ENOSF1: variants seen among roughly 807,000 people sequenced by gnomAD.
ENOSF1 encodes enolase superfamily member 1.
ENOSF1 carries 73 observed loss-of-function variants against 68.2 expected under a neutral mutation model. The ratio of observed to expected loss-of-function variants is 1.07; its 90% confidence interval spans 0.89 to 1.30. The LOEUF (loss-of-function observed/expected upper bound fraction) is 1.30. Ranked by LOEUF, ENOSF1 falls within the 50% of genes most tolerant of loss-of-function variation. The pLI is 0.00. For missense variants in ENOSF1, 589 were observed against 554.5 expected, an observed-to-expected ratio of 1.06 and a Z score of -0.62; for synonymous variants, 223 against 210.4, an observed-to-expected ratio of 1.06 and a Z score of -0.52.
rs1466936379 is a variant in ENOSF1 at position 706,812 on chromosome 18, TA to T, written c.85-235del. ...CAAGAGCAATGTATGTATATATATATATATTTTTTTTTTTTTTCTTTTTTGA... is the reference window on the plus strand; with the variant it reads ...CAAGAGCAATGTATGTATATATATATTATTTTTTTTTTTTTTCTTTTTTGA... On this transcript the variant is annotated intron_variant, in intron 1 of 15. Transcript: ENST00000647584. 9.7e-5 allele frequency: 10 copies of T among 103,390 alleles called. No individual in the cohort carries two copies. In the East Asian group the frequency reaches 1.2e-3, roughly 12 times the overall value. The allele number at this position is 103,390 out of a possible 1,614,324, so 6.4% of individuals were successfully genotyped here.
intron 2 of ENOSF1, among the ~76,000 whole-genome samples, chr18:701,744 G>T (rs2078366638): frequency 7.4e-6 from 1 of 135,364 alleles, no homozygotes; most frequent in Non-Finnish European, 1.6e-5. Context: ...GTGACAGAGC[G>T]AGACTCCATC....
At chr18:691,563 T>C (rs904027303) in intron 5 of ENOSF1, 4 of 279,710 alleles carry the variant, frequency 1.4e-5, no homozygotes, top group Non-Finnish European at 6.7e-6. Context: ...ACCAGGTTGA[T>C]CTTGAGCTCC....
Position 699,239 on chromosome 18 carries a change from A to G in ENOSF1, c.194-1884T>C, listed in dbSNP as rs576011842. Among the ~76,000 whole-genome samples, 3 of 152,204 alleles carry G rather than the reference A, an allele frequency of 2.0e-5. No individual in the cohort carries two copies. The East Asian group carries it at 5.8e-4, about 29-fold the overall frequency. ...CACTTTGGGAGGCTGAGGTGGGTGG[A>G]TCACTTGAGCTCAGGAATTTGAGAC... is the stretch of plus-strand genomic sequence containing the variant. On this transcript the variant is annotated intron_variant, in intron 2 of 15. Coordinates refer to ENST00000647584, the MANE Select transcript of ENOSF1 (RefSeq NM_017512.7).
chr18:666,956 GAGA>G (rs1567989607), downstream of ENOSF1, among the ~76,000 whole-genome samples: 1,173 of 16,578 alleles, frequency 0.071, 119 homozygotes, highest in Non-Finnish European at 0.09. Flanking sequence ...GATGGTGATG[GAGA>G]TGGAGATGGT....
chr18:687,213 G>A (rs2076694911), intron 9 of ENOSF1: 1 of 152,248 alleles, frequency 6.6e-6, no homozygotes, highest in Non-Finnish European at 1.5e-5. Flanking sequence ...TGCAGCGGAT[G>A]AGGGGAAAAG....
At position 677,392 on chromosome 18, in the gene ENOSF1, G is replaced by A; in HGVS notation, c.1101C>T (p.His367=). ...CTGATATGTAGTCAAATATAATCAGGTGCTGCACCAGTTCACAGAGGCCAA... is the reference window on the plus strand; with the variant it reads ...CTGATATGTAGTCAAATATAATCAGATGCTGCACCAGTTCACAGAGGCCAA... ...GGVGLCELVQ[H]LIIFDYISVS... Residue 367 remains histidine (H), a synonymous_variant, in exon 14 of 16, where the codon CAC becomes CAT. Coordinates refer to ENST00000647584, the MANE Select transcript of ENOSF1 (RefSeq NM_017512.7). 2 of 1,613,726 alleles carry A rather than the reference G, an allele frequency of 1.2e-6. No individual in the cohort carries two copies. The highest frequency in any genetic ancestry group is 1.1e-5 in the South Asian group (1 of 91,002).
intron 1 of ENOSF1, among the ~76,000 whole-genome samples, chr18:710,822 TCA>T (rs1388368432): frequency 6.6e-6 from 1 of 152,240 alleles, no homozygotes; most frequent in African/African-American, 2.4e-5. Context: ...TGCTAAAGCT[TCA>T]CAGAGGCAAA....
chr18:696,068 C>T (rs1811577844), intron 3 of ENOSF1, among the ~76,000 whole-genome samples: 1 of 152,120 alleles, frequency 6.6e-6, no homozygotes, highest in Non-Finnish European at 1.5e-5. Flanking sequence ...AATCCTTTCT[C>T]CAGAGCCTAA....
At chr18:698,731 C>G (rs1413359631) in intron 2 of ENOSF1, among the ~76,000 whole-genome samples, 1 of 152,110 alleles carries the variant, frequency 6.6e-6, no homozygotes, top group Non-Finnish European at 1.5e-5. Context: ...AGTGATCCTT[C>G]CACCTCCGCC....
At chr18:690,969 AG>A in intron 7 of ENOSF1, 98 bp downstream of exon 7, 1 of 1,386,936 alleles carries the variant, frequency 7.2e-7, no homozygotes, top group Non-Finnish European at 1.0e-6. Context: ...TGCTCAGCAC[AG>A]GGCATTTGGG....
In ENOSF1 at chr18:712,617, G is replaced by C. The variant is rs545815811; in HGVS notation, c.-30C>G. ...CCTGCGCCCCGTGGCCGCGGCCCCC[G>C]TGCGGTCAGGACTGGTCGGGATCCC... On this transcript the variant is annotated 5_prime_UTR_variant, in exon 1 of 16. Transcript: ENST00000647584. 1 of 1,528,968 alleles carries C rather than the reference G, an allele frequency of 6.5e-7. No individual in the cohort carries two copies. Among genetic ancestry groups the C allele is most frequent in the Non-Finnish European group, 8.8e-7 (1 of 1,142,618 alleles). The allele number at this position is 1,528,968 out of a possible 1,614,324, so 94.7% of individuals were successfully genotyped here.
At chr18:669,390 T>TTTTTTTTTCA (rs2074937286), downstream of ENOSF1, 1 of 419,526 alleles carries the variant, frequency 2.4e-6, no homozygotes. Context: ...TTTTTTTTTT[T>TTTTTTTTTCA]GAGACAGAGT....
Position 678,287 on chromosome 18 carries a change from C to T in ENOSF1, c.918+409G>A, listed in dbSNP as rs140096914. The T allele has an allele frequency of 5.1e-3, 1,527 of 299,878 alleles. 12 individuals carry two copies. The highest frequency in any genetic ancestry group is 6.6e-3 in the Non-Finnish European group (1,064 of 160,582). The allele number at this position is 299,878 out of a possible 1,614,324, so 18.6% of individuals were successfully genotyped here. The stretch of plus-strand genomic sequence containing the variant: ...GGGAAAACTGAGAATCAGCTCCTCA[C>T]GCTGCTCTGCTCGTGGGCTGACTGC... On this transcript the variant is annotated intron_variant, in intron 12 of 15. Transcript: ENST00000647584.
chr18:689,738 T>C (rs2076962394), intron 8 of ENOSF1, among the ~76,000 whole-genome samples: 1 of 152,102 alleles, frequency 6.6e-6, no homozygotes, highest in African/African-American at 2.4e-5. Flanking sequence ...CCTAAAACCC[T>C]TGGCATCTCC....
At chr18:678,413 T>C (rs2075733193) in intron 12 of ENOSF1, 1 of 487,404 alleles carries the variant, frequency 2.1e-6, no homozygotes, top group Non-Finnish European at 3.6e-6. Context: ...GACCATTTTC[T>C]GCCCTTGCAA....
Position 678,685 on chromosome 18 carries a change from G to C in ENOSF1, c.918+11C>G. 1.2e-6 allele frequency: 2 copies of C among 1,613,602 alleles called. No homozygotes were observed. Among genetic ancestry groups the C allele is most frequent in the Non-Finnish European group, 8.5e-7 (1 of 1,179,890 alleles). On this transcript the variant is annotated intron_variant, in intron 12 of 15. Coordinates refer to ENST00000647584, the MANE Select transcript of ENOSF1 (RefSeq NM_017512.7). ...AGGGGACGTCATCCACCTGTTGGGG[G>C]CGTCACTCACCTGTTCTCCTGTGGC...
At position 683,505 on chromosome 18, in the gene ENOSF1, T is replaced by G. The variant is rs1480873048; in HGVS notation, c.742-125A>C. ...CAGCTGAGTGAGACCCCCTAACGCC[T>G]CTGCTGAGGCCCAGCACACGGCCCT... On this transcript the variant is annotated intron_variant, in intron 10 of 15. Coordinates refer to ENST00000647584, the MANE Select transcript of ENOSF1 (RefSeq NM_017512.7). The G allele has an allele frequency of 5.4e-6, 6 of 1,109,088 alleles. No homozygotes were observed. In the East Asian group the frequency reaches 1.5e-4, roughly 27 times the overall value. The allele number at this position is 1,109,088 out of a possible 1,614,324, so 68.7% of individuals were successfully genotyped here.
chr18:677,901 C>G (rs766366215), intron 12 of ENOSF1, 29 bp from the exon 13 acceptor site: 2 of 1,604,268 alleles, frequency 1.2e-6, no homozygotes, highest in Non-Finnish European at 1.7e-6. Flanking sequence ...ATAACACCAA[C>G]AGAAGAGTCA....
At position 671,331 on chromosome 18, in the gene ENOSF1, A is replaced by G. The variant is rs1451654742; in HGVS notation, c.*2974T>C. 1.7e-6 allele frequency: 2 copies of G among 1,205,504 alleles called. No homozygotes were observed. The highest frequency in any genetic ancestry group is 3.0e-5 in the African/African-American group (2 of 66,804). 74.7% of individuals were successfully genotyped at this position (1,205,504 alleles called of 1,614,324 possible). A position where few individuals can be genotyped will look rare whatever the true frequency, so the allele number is the denominator to read the frequency against. ...TTCTAATGTTTTTAAATGATGTTTT[A>G]AAGAATTGAAACTAACATACTGTTC... On this transcript the variant is annotated 3_prime_UTR_variant, in exon 16 of 16. Coordinates refer to ENST00000647584, the MANE Select transcript of ENOSF1 (RefSeq NM_017512.7).
Sources: gnomAD v4.1 joint callset for allele counts (sites outside exome capture counted in the v4.1 genomes callset) on GRCh38, gnomAD v4.1.1 for gene constraint, MANE v1.5 for transcripts, NCBI Gene and HGNC (gene_info 2026-07-23, HGNC 2026-07-21) for gene names.